ABCD3: variants seen among roughly 807,000 people sequenced by gnomAD.
ABCD3 encodes the protein ATP binding cassette subfamily D member 3, also known as ATP-binding cassette sub-family D member 3.
In ABCD3, 41 loss-of-function variants were observed where a neutral mutation model predicts 105.5. The observed-to-expected ratio is 0.39, with a 90% CI of 0.30 to 0.50. ABCD3 has a LOEUF of 0.50. Among genes scored for constraint, ABCD3 ranks in the 20% least tolerant of loss-of-function variants. ABCD3 has a pLI of 0.84. For missense variants in ABCD3, 622 were observed against 806.3 expected (o/e 0.77, Z 2.77); for synonymous variants, 258 against 269.0 (o/e 0.96, Z 0.40).
At chr1:94,385,845 T>C in the ABCD3 span, among the ~76,000 whole-genome samples, 2 of 152,142 alleles carry the variant, frequency 1.3e-5, no homozygotes, top group South Asian at 2.1e-4. Context: ...TATATGTCTA[T>C]ATATAGCAGG....
At chr1:94,430,029 C>T (rs1231461778) in intron 1 of ABCD3, among the ~76,000 whole-genome samples, 3 of 152,254 alleles carry the variant, frequency 2.0e-5, no homozygotes, top group Non-Finnish European at 4.4e-5. Context: ...ACCATGGGAA[C>T]CCACCTCTTG....
chr1:94,491,826 G>T (rs937101222), intron 16 of ABCD3, among the ~76,000 whole-genome samples: 3 of 152,076 alleles, frequency 2.0e-5, no homozygotes, highest in Non-Finnish European at 2.9e-5. Context: ...GTTTTTGTAC[G>T]ATTTGTAAGA....
At chr1:94,399,719 A>C in the ABCD3 span, among the ~76,000 whole-genome samples, 2 of 152,200 alleles carry the variant, frequency 1.3e-5, no homozygotes, top group Non-Finnish European at 2.9e-5. Flanking sequence ...ACAATCAAAA[A>C]AACAAAACAA....
chr1:94,475,366 C>T, intron 6 of ABCD3, 126 bp downstream of exon 6: 1 of 778,322 alleles, frequency 1.3e-6, no homozygotes, highest in Non-Finnish European at 2.1e-6. Flanking sequence ...GGTACAGAAG[C>T]ATGTTGGGAA....
At chr1:94,452,464 G>C (rs755183751) in intron 1 of ABCD3, among the ~76,000 whole-genome samples, 1 of 151,890 alleles carries the variant, frequency 6.6e-6, no homozygotes, top group South Asian at 2.1e-4. Flanking sequence ...AGTGTGCCTC[G>C]TGGCAGGAGA....
At position 94,418,406 on chromosome 1, in the gene ABCD3, T is replaced by C; in HGVS notation, c.-73T>C. 1 of 1,297,928 alleles carries C rather than the reference T, an allele frequency of 7.7e-7. No homozygotes were observed. 80.4% of individuals were successfully genotyped at this position (1,297,928 alleles called of 1,614,324 possible). Reference sequence around the variant, plus strand: ...GCTCTCCTCCCAGTCTCCCCCGCGCTGCGTGCAGTAAGGTAGCCGCCGCCG... The same window carrying C: ...GCTCTCCTCCCAGTCTCCCCCGCGCCGCGTGCAGTAAGGTAGCCGCCGCCG... On this transcript the variant is annotated 5_prime_UTR_variant, in exon 1 of 23. Transcript: ENST00000370214.
the ABCD3 span, among the ~76,000 whole-genome samples, chr1:94,404,273 T>C: frequency 3.0e-3 from 463 of 152,306 alleles, 1 homozygote; most frequent in Non-Finnish European, 5.2e-3. Flanking sequence ...TTGCCCATAA[T>C]ACTAGAATAA....
intron 20 of ABCD3, among the ~76,000 whole-genome samples, chr1:94,501,153 TGGGGGGCTGAGGCGGGAGAATC>T (rs1650073199): frequency 6.8e-6 from 1 of 147,066 alleles, no homozygotes; most frequent in African/African-American, 2.5e-5. Flanking sequence ...CCCAGAGCAG[TGGGGGGCTGAGGCGGGAGAATC>T]ACTTCAACCC....
the ABCD3 span, chr1:94,406,335 G>GTTTT: frequency 5.0e-4 from 90 of 179,220 alleles, 8 homozygotes; most frequent in African/African-American, 7.3e-4. Context: ...ATAGTATTTT[G>GTTTT]TTTTGTTTTT....
At position 94,448,945 on chromosome 1, in the gene ABCD3, AT is replaced by A. The variant is rs34196446; in HGVS notation, c.111-9654del. ...TTGAATCTAGCATTATTAACTTTAA[AT>A]TTTTTTTAGCATGCCTAAAGGCTAG... is the stretch of plus-strand genomic sequence containing the variant. On this transcript the variant is annotated intron_variant, in intron 1 of 22. Transcript: ENST00000370214. Among the ~76,000 whole-genome samples the A allele has an allele frequency of 2.0e-5, 3 of 152,220 alleles. No individual in the cohort carries two copies. The South Asian group carries it at 6.2e-4, about 32-fold the overall frequency.
At chr1:94,490,071 T>C in intron 15 of ABCD3, 96 bp downstream of exon 15, 1 of 1,193,902 alleles carries the variant, frequency 8.4e-7, no homozygotes, top group Non-Finnish European at 1.2e-6. Context: ...TGTTTAAAAT[T>C]ATTTCTGCTT....
At chr1:94,408,782 A>G in the ABCD3 span, among the ~76,000 whole-genome samples, 1 of 152,214 alleles carries the variant, frequency 6.6e-6, no homozygotes. Context: ...GAAGAATTTT[A>G]GATGAGAGAC....
upstream of ABCD3, among the ~76,000 whole-genome samples, chr1:94,415,813 CCT>C (rs1269673896): frequency 6.6e-6 from 1 of 152,182 alleles, no homozygotes; most frequent in African/African-American, 2.4e-5. Context: ...TACCTAAACT[CCT>C]CTCTTTCTCT....
At chr1:94,502,330 C>T (rs909701909) in intron 20 of ABCD3, among the ~76,000 whole-genome samples, 2 of 152,144 alleles carry the variant, frequency 1.3e-5, no homozygotes, top group African/African-American at 4.8e-5. Flanking sequence ...CAGAATAACT[C>T]GCCTTCTACT....
chr1:94,464,590 G>A (rs1648044996), intron 2 of ABCD3, among the ~76,000 whole-genome samples, 185 bp from the exon 3 acceptor site: 1 of 151,966 alleles, frequency 6.6e-6, no homozygotes, highest in Non-Finnish European at 1.5e-5. Context: ...TCAGTTTTTA[G>A]ATAACATTGT....
At chr1:94,457,261 T>A (rs1647620687) in intron 1 of ABCD3, among the ~76,000 whole-genome samples, 1 of 152,220 alleles carries the variant, frequency 6.6e-6, no homozygotes, top group Admixed American at 6.5e-5. Context: ...TAAAAGATTT[T>A]AAACATATAA....
the ABCD3 span, among the ~76,000 whole-genome samples, chr1:94,393,906 G>C: frequency 6.6e-6 from 1 of 152,152 alleles, no homozygotes; most frequent in Non-Finnish European, 1.5e-5. Context: ...ACCTGATGTA[G>C]AGCCTTTTCT....
At chr1:94,508,160 AT>A (rs1469349670) in intron 21 of ABCD3, among the ~76,000 whole-genome samples, 1 of 152,044 alleles carries the variant, frequency 6.6e-6, no homozygotes, top group Non-Finnish European at 1.5e-5. Context: ...TCTTGAATTG[AT>A]TTTTGTATAA....
In ABCD3 at chr1:94,446,131, A is replaced by T. The variant is rs576750662; in HGVS notation, c.111-12476A>T. Among the ~76,000 whole-genome samples, 6 of 152,356 alleles carry T rather than the reference A, an allele frequency of 3.9e-5. No homozygotes were observed. In the South Asian group the frequency reaches 1.0e-3, roughly 26 times the overall value. On this transcript the variant is annotated intron_variant, in intron 1 of 22. Transcript: ENST00000370214. The stretch of plus-strand genomic sequence containing the variant: ...CCTGAAATATGTCCAAAATGTGAAA[A>T]AGGAAAACATTGGGCTAATTGGTGT...
Sources: gnomAD v4.1 joint callset for allele counts (sites outside exome capture counted in the v4.1 genomes callset) on GRCh38, gnomAD v4.1.1 for gene constraint, MANE v1.5 for transcripts, NCBI Gene and HGNC (gene_info 2026-07-23, HGNC 2026-07-21) for gene names.